Variants in PCSK6 observed in about 807,000 individuals in gnomAD.
The protein encoded by PCSK6 is paired basic amino acid cleaving enzyme 4.
PCSK6 carries 85 observed loss-of-function variants against 123.3 expected under a neutral mutation model. The ratio of observed to expected loss-of-function variants is 0.69; its 90% CI spans 0.58 to 0.83. The LOEUF is 0.83. PCSK6 is among the 40% of genes least tolerant of loss of function. The probability of loss-of-function intolerance (pLI) is 0.00; values close to 1 mark genes in which losing one functional copy is unlikely to be tolerated. For missense variants in PCSK6, 1,191 were observed against 1,282.3 expected (o/e 0.93, Z 1.09); for synonymous variants, 508 against 516.0 (o/e 0.98, Z 0.21).
chr15:101,417,200 C>T (rs964744963), intron 6 of PCSK6, among the ~76,000 whole-genome samples: 2 of 152,122 alleles, frequency 1.3e-5, no homozygotes, highest in Admixed American at 6.5e-5. Flanking sequence ...TTTCTCTTGC[C>T]ACCGCCATGT....
chr15:101,430,812 C>G (rs1200574895), intron 4 of PCSK6, among the ~76,000 whole-genome samples: 1 of 152,188 alleles, frequency 6.6e-6, no homozygotes, highest in East Asian at 1.9e-4. Context: ...TTACATTTAA[C>G]TAATTTAGTC....
Position 101,441,080 on chromosome 15 carries a change from C to T in PCSK6, c.402+2476G>A, listed in dbSNP as rs2056741895. Among the ~76,000 whole-genome samples the T allele has an allele frequency of 2.6e-5, 4 of 152,296 alleles. No homozygotes were observed. In the South Asian group the frequency reaches 8.3e-4, roughly 32 times the overall value. On this transcript the variant is annotated intron_variant, in intron 2 of 21. Coordinates refer to ENST00000611716, the MANE Select transcript of PCSK6 (RefSeq NM_002570.5). ...TTTACCTTTCTTCCTTTCTTCTTTA[C>T]TGGCAGGATGCATTGATAGAAGCCT...
At chr15:101,313,613 C>A (rs2039921534) in intron 19 of PCSK6, 108 bp from the exon 20 acceptor site, 1 of 1,458,218 alleles carries the variant, frequency 6.9e-7, no homozygotes, top group East Asian at 2.3e-5. Context: ...CAGGAGCCCC[C>A]AGGCCACCAC....
chr15:101,375,672 G>A (rs1362535210), intron 11 of PCSK6, among the ~76,000 whole-genome samples: 2 of 152,076 alleles, frequency 1.3e-5, no homozygotes, highest in African/African-American at 4.8e-5. Flanking sequence ...GTCCCCCAAC[G>A]AGCACACTCC....
Position 101,382,220 on chromosome 15 carries a change from AG to A in PCSK6, c.1415-12del, listed in dbSNP as rs2041928882. On this transcript the variant is annotated splice_polypyrimidine_tract_variant and intron_variant, in intron 10 of 21. Transcript: ENST00000611716. ...CATAGAAATGGCTAACTGAAAAGAC[AG>A]GCCCTTCAGAGCCAGGCTCTCCTGC... 3.2e-6 allele frequency: 5 copies of A among 1,587,256 alleles called. No individual in the cohort carries two copies. In the East Asian group the frequency reaches 1.1e-4, roughly 36 times the overall value.
intron 1 of PCSK6, among the ~76,000 whole-genome samples, chr15:101,467,266 C>T (rs1426953448): frequency 8.0e-6 from 1 of 124,848 alleles, no homozygotes; most frequent in African/African-American, 3.1e-5. Context: ...CTGTTCTTAG[C>T]AACAATTCTT....
intron 19 of PCSK6, among the ~76,000 whole-genome samples, chr15:101,316,896 A>G (rs1265863576): frequency 1.4e-5 from 2 of 140,614 alleles, no homozygotes; most frequent in Non-Finnish European, 3.0e-5. Flanking sequence ...CTGGTTTAGC[A>G]GAGACTTAAT....
chr15:101,448,771 T>G (rs1195683256), intron 1 of PCSK6, among the ~76,000 whole-genome samples: 1 of 152,244 alleles, frequency 6.6e-6, no homozygotes, highest in Non-Finnish European at 1.5e-5. Flanking sequence ...AGATTGTTAG[T>G]TACCATGGGG....
At chr15:101,488,555 C>T (rs1340821732) in intron 1 of PCSK6, among the ~76,000 whole-genome samples, 1 of 152,152 alleles carries the variant, frequency 6.6e-6, no homozygotes, top group Non-Finnish European at 1.5e-5. Context: ...GGCTCTGTGG[C>T]AACGCAGCAT....
chr15:101,354,961 G>C (rs2141420061), intron 13 of PCSK6, among the ~76,000 whole-genome samples: 1 of 152,312 alleles, frequency 6.6e-6, no homozygotes, highest in Middle Eastern at 3.4e-3. Context: ...ATTTGTAACA[G>C]CGAGATAAAA....
At chr15:101,321,129 C>T (rs2040113636) in intron 18 of PCSK6, among the ~76,000 whole-genome samples, 1 of 152,208 alleles carries the variant, frequency 6.6e-6, no homozygotes, top group Non-Finnish European at 1.5e-5. Context: ...CACTCCTGGG[C>T]TGCCTGACCT....
intron 9 of PCSK6, among the ~76,000 whole-genome samples, chr15:101,387,536 C>T (rs1231850639): frequency 6.6e-6 from 1 of 152,202 alleles, no homozygotes; most frequent in Non-Finnish European, 1.5e-5. Context: ...AATAAAATCA[C>T]AAATATAACC....
intron 6 of PCSK6, among the ~76,000 whole-genome samples, chr15:101,415,040 G>T (rs1469599843): frequency 6.6e-6 from 1 of 152,250 alleles, no homozygotes; most frequent in Non-Finnish European, 1.5e-5. Context: ...GGGCAAAAAT[G>T]AGATAGAGAG....
rs572663000 is a variant in PCSK6 at position 101,322,569 on chromosome 15, T to C, written c.2416A>G (p.Lys806Glu). 3 of 1,613,762 alleles carry C rather than the reference T, an allele frequency of 1.9e-6. No homozygotes were observed. In the African/African-American group the frequency reaches 4.0e-5, roughly 22 times the overall value. Reference protein sequence around the residue: ...NCLKCHPSCKKCVDEPEKCTV... With the variant: ...NCLKCHPSCKECVDEPEKCTV... ...CATTTCTCAGGTTCATCCACGCACT[T>C]TTTACAGCTTGGGTGGCATTTAAGG... Residue 806 changes from lysine to glutamate, a missense_variant, in exon 18 of 22, where the codon AAG becomes GAG. This residue lies in a region of PCSK6 where 630 missense variants were observed against 631.4 expected (regional missense o/e 1.00). Transcript: ENST00000611716.
intron 7 of PCSK6, among the ~76,000 whole-genome samples, chr15:101,394,018 G>C (rs1051695082): frequency 6.6e-6 from 1 of 152,226 alleles, no homozygotes; most frequent in Admixed American, 6.5e-5. Flanking sequence ...AGCAGCTTGT[G>C]GGTGTCCTGT....
chr15:101,363,132 G>T (rs963172), intron 13 of PCSK6, among the ~76,000 whole-genome samples: 35,797 of 152,134 alleles, frequency 0.24, 5,443 homozygotes, highest in Admixed American at 0.4. Context: ...ATCAGTGCAC[G>T]CATGTTGGCC....
At chr15:101,400,043 A>C (rs947566066) in intron 6 of PCSK6, among the ~76,000 whole-genome samples, 3 of 152,156 alleles carry the variant, frequency 2.0e-5, no homozygotes, top group East Asian at 1.9e-4. Flanking sequence ...TTTGCTTTAC[A>C]GATGGGGTCT....
At chr15:101,321,613 A>G (rs2040123600) in intron 18 of PCSK6, among the ~76,000 whole-genome samples, 1 of 152,390 alleles carries the variant, frequency 6.6e-6, no homozygotes, top group Non-Finnish European at 1.5e-5. Flanking sequence ...AACTTCTTCT[A>G]TGGAGAATTC....
Position 101,305,293 on chromosome 15 carries a change from G to T in PCSK6, c.2875C>A (p.Gln959Lys). 6.2e-7 allele frequency: 1 copy of T among 1,612,622 alleles called. No individual in the cohort carries two copies. Among genetic ancestry groups the T allele is most frequent in the Non-Finnish European group, 8.5e-7 (1 of 1,179,798 alleles). ...NRLCERKLFI[Q>K]FCCRTCLLAG ...AGGAGGCACGTGCGGCAGCAGAACT[G>T]AATGAAGAGCTTCCGTTCGCACAGC... Residue 959 changes from glutamine to lysine, a missense_variant, in exon 22 of 22, where the codon CAG (glutamine) becomes AAG (lysine). By Grantham distance (53) the Gln-to-Lys change is moderately conservative. Around this residue, in one of 3 missense-constraint regions of PCSK6, gnomAD observed 630 missense variants for 631.4 expected, o/e 1.00. Coordinates refer to ENST00000611716, the MANE Select transcript of PCSK6 (RefSeq NM_002570.5). This position sits in a 1 kb window ranked among gnomAD's most constrained non-coding sequence, Gnocchi z 4.8.
Sources: gnomAD v4.1 joint callset for allele counts (sites outside exome capture counted in the v4.1 genomes callset) on GRCh38, gnomAD v4.1.1 for gene constraint, gnomAD v4.1.1 regional missense constraint, Gnocchi (gnomAD v3.1) non-coding constraint, MANE v1.5 for transcripts, NCBI Gene and HGNC (gene_info 2026-07-23, HGNC 2026-07-21) for gene names.